Variants in MED12L observed in about 807,000 individuals in gnomAD.
The protein encoded by MED12L is mediator complex subunit 12L.
A neutral mutation model predicts 281.3 loss-of-function variants in MED12L; 60 were observed. The observed-to-expected ratio is 0.21, with a 90% CI of 0.17 to 0.26. MED12L has a LOEUF of 0.26. Ranked by LOEUF, MED12L falls within the 10% of genes least tolerant of loss-of-function variation. The pLI is 1.00. For synonymous variants in MED12L, 974 were observed against 987.2 expected, an observed-to-expected ratio of 0.99 and a Z score of 0.25; for missense variants, 2,146 against 2,680.9, an observed-to-expected ratio of 0.80 and a Z score of 4.41.
intron 5 of MED12L, among the ~76,000 whole-genome samples, chr3:151,140,606 G>A (rs1439841137): frequency 6.6e-6 from 1 of 152,148 alleles, no homozygotes; most frequent in East Asian, 1.9e-4. Context: ...TGTGGTGGTT[G>A]TATATTTATG....
At chr3:151,120,863 C>CT (rs1308679925) in intron 3 of MED12L, among the ~76,000 whole-genome samples, 1 of 152,028 alleles carries the variant, frequency 6.6e-6, no homozygotes, top group Non-Finnish European at 1.5e-5. Context: ...ATTTTCTAGT[C>CT]TTTTGCTTTC....
intron 2 of MED12L, among the ~76,000 whole-genome samples, chr3:151,106,301 TTTTCC>T (rs1560051038): frequency 1.0e-5 from 1 of 97,754 alleles, no homozygotes; most frequent in African/African-American, 5.5e-5. Flanking sequence ...TTCCTTTTCC[TTTTCC>T]TTCTCCCCTC....
At chr3:151,136,649 A>G (rs991008792) in intron 5 of MED12L, among the ~76,000 whole-genome samples, 2 of 152,192 alleles carry the variant, frequency 1.3e-5, no homozygotes, top group African/African-American at 2.4e-5. Flanking sequence ...AAAAGTTTTA[A>G]CATCTGTTGA....
intron 11 of MED12L, among the ~76,000 whole-genome samples, chr3:151,170,027 G>A (rs925657805): frequency 5.3e-5 from 8 of 152,178 alleles, no homozygotes; most frequent in African/African-American, 1.9e-4. Flanking sequence ...CTTCCTTGTA[G>A]GGAGGGGAGA....
chr3:151,314,881 G>T lies in MED12L; in HGVS notation c.2251-35178G>T, dbSNP rs1748032183. Among the ~76,000 whole-genome samples the T allele has an allele frequency of 1.3e-5, 2 of 152,272 alleles. 1 individual carries two copies. Among genetic ancestry groups the T allele is most frequent in the Non-Finnish European group, 2.9e-5 (2 of 68,010 alleles). On this transcript the variant is annotated intron_variant, in intron 16 of 44. Transcript: ENST00000687756. ...GAGCTCCTGGGGAATTCAGAGACTTGCCTAAGTCACACTGATAATATTTGG... is the reference window on the plus strand; with the variant it reads ...GAGCTCCTGGGGAATTCAGAGACTTTCCTAAGTCACACTGATAATATTTGG...
chr3:151,428,383 G>GA (rs1211335798), intron 43 of MED12L, among the ~76,000 whole-genome samples: 1 of 152,102 alleles, frequency 6.6e-6, no homozygotes, highest in Non-Finnish European at 1.5e-5. Context: ...TTGGGCAATG[G>GA]AAAAAAATGG....
In MED12L at chr3:151,251,382, AT is replaced by A. The variant is rs370035984; in HGVS notation, c.2250+57727del. On this transcript the variant is annotated intron_variant, in intron 16 of 44. Coordinates refer to ENST00000687756, the MANE Select transcript of MED12L (RefSeq NM_001393769.1). ...GCCAGTCAATCTCCAAAGCCTGGTG[AT>A]TTTTTTTTTTATGCTTAAATATTTC... 2.3e-3 allele frequency among the ~76,000 whole-genome samples: 335 copies of A among 147,862 alleles called. 1 individual carries two copies. The highest frequency in any genetic ancestry group is 6.6e-3 in the African/African-American group (266 of 40,408).
intron 11 of MED12L, among the ~76,000 whole-genome samples, chr3:151,184,909 G>A (rs1723092302): frequency 1.3e-5 from 2 of 152,130 alleles, no homozygotes; most frequent in South Asian, 4.1e-4. Context: ...ATTATTTATT[G>A]TATGAGGCAT....
At chr3:151,288,806 G>A (rs1577239243) in intron 16 of MED12L, among the ~76,000 whole-genome samples, 1 of 101,454 alleles carries the variant, frequency 9.9e-6, no homozygotes, top group African/African-American at 4.0e-5. Flanking sequence ...TATATTAACT[G>A]TAAGTAGTTG....
intron 16 of MED12L, among the ~76,000 whole-genome samples, chr3:151,223,949 A>G (rs942303267): frequency 1.3e-5 from 2 of 152,246 alleles, no homozygotes; most frequent in African/African-American, 4.8e-5. Flanking sequence ...GTGGGAGCTT[A>G]TAAGTGGTAG....
chr3:151,381,436 G>A (rs149084472), intron 32 of MED12L, among the ~76,000 whole-genome samples: 363 of 152,244 alleles, frequency 2.4e-3, no homozygotes, highest in African/African-American at 8.5e-3. Context: ...CTCCTACCTT[G>A]TCTCCTACCA....
intron 16 of MED12L, among the ~76,000 whole-genome samples, chr3:151,270,702 G>A (rs1483833500): frequency 6.6e-6 from 1 of 152,160 alleles, no homozygotes; most frequent in East Asian, 1.9e-4. Flanking sequence ...GGTTAAGTGT[G>A]TATTTTGACA....
chr3:151,089,944 T>A (rs1302793290), intron 2 of MED12L, among the ~76,000 whole-genome samples: 1 of 152,192 alleles, frequency 6.6e-6, no homozygotes, highest in Non-Finnish European at 1.5e-5. Flanking sequence ...AGTTCCAAAA[T>A]ATATTTCCAA....
At chr3:151,173,646 A>G (rs552187446) in intron 11 of MED12L, among the ~76,000 whole-genome samples, 2 of 152,362 alleles carry the variant, frequency 1.3e-5, no homozygotes, top group South Asian at 2.1e-4. Flanking sequence ...GTAGGATACC[A>G]TAGACTTTAG....
At chr3:151,171,295 T>C (rs1170689491) in intron 11 of MED12L, among the ~76,000 whole-genome samples, 1 of 151,796 alleles carries the variant, frequency 6.6e-6, no homozygotes, top group East Asian at 2.1e-4. Context: ...GTTGCTCTCT[T>C]TGCTTTTCAG....
At chr3:151,275,250 T>C (rs1413075646) in intron 16 of MED12L, among the ~76,000 whole-genome samples, 1 of 152,172 alleles carries the variant, frequency 6.6e-6, no homozygotes, top group Non-Finnish European at 1.5e-5. Context: ...TACAGATCGC[T>C]TTGGGCCAAC....
At chr3:151,156,379 C>T (rs144825284) in intron 6 of MED12L, 49 bp downstream of exon 6, 8 of 1,505,250 alleles carry the variant, frequency 5.3e-6, no homozygotes, top group African/African-American at 1.4e-5. Context: ...TTTAAGAAGA[C>T]AGCAAATTCC....
chr3:151,368,225 A>G lies in MED12L; in HGVS notation c.3524A>G (p.Gln1175Arg), dbSNP rs1755528412. Reference sequence around the variant, plus strand: ...TTGCTTCATCTCTTCCGAGCTCCCCAGGCCTGCTTCTTACCTCAAGCAACG... The same window carrying G: ...TTGCTTCATCTCTTCCGAGCTCCCCGGGCCTGCTTCTTACCTCAAGCAACG... Reference protein sequence around the residue: ...RLLLHLFRAPQACFLPQATGK... With the variant: ...RLLLHLFRAPRACFLPQATGK... The change falls in exon 25 of 45, where the codon CAG becomes CGG. Residue 1175 changes from glutamine (Q) to arginine (R), a missense_variant. Transcript: ENST00000687756. 6.2e-7 allele frequency: 1 copy of G among 1,614,030 alleles called. No homozygotes were observed. Among genetic ancestry groups the G allele is most frequent in the African/African-American group, 1.3e-5 (1 of 75,004 alleles).
At chr3:151,414,272 T>C (rs1375690031) in intron 42 of MED12L, among the ~76,000 whole-genome samples, 1 of 152,194 alleles carries the variant, frequency 6.6e-6, no homozygotes, top group Admixed American at 6.5e-5. Context: ...GGAGATTTCC[T>C]AAGGAGACTG....
Sources: gnomAD v4.1 joint callset for allele counts (sites outside exome capture counted in the v4.1 genomes callset) on GRCh38, gnomAD v4.1.1 for gene constraint, MANE v1.5 for transcripts, NCBI Gene and HGNC (gene_info 2026-07-23, HGNC 2026-07-21) for gene names.